ZNF175: variants seen among roughly 807,000 people sequenced by gnomAD.
ZNF175 encodes the protein zinc finger protein OTK18.
A neutral mutation model predicts 14.0 loss-of-function variants in ZNF175; 8 were observed. That is an observed-to-expected ratio of 0.57 (90% CI 0.34 to 1.03). ZNF175 has a LOEUF of 1.03. ZNF175 is among the 50% of genes least tolerant of loss of function. ZNF175 has a pLI of 0.03. For synonymous variants in ZNF175, 255 were observed against 296.8 expected (o/e 0.86, Z 1.45); for missense variants, 764 against 849.5 (o/e 0.90, Z 1.25).
In ZNF175 at chr19:51,587,010, G is replaced by A; in HGVS notation, c.679G>A (p.Val227Ile). ...TGACACAGAACAGCTTGATGACGTT[G>A]TTGGGTCTGGTCAGCTATTCAGCCA... ...SNDTEQLDDV[V>I]GSGQLFSHSS... The change falls in exon 5 of 5, where the codon GTT (valine) becomes ATT (isoleucine). Residue 227 changes from valine to isoleucine, a missense_variant. Transcript: ENST00000262259. 6.2e-7 allele frequency: 1 copy of A among 1,614,222 alleles called. No homozygotes were observed. Among genetic ancestry groups the A allele is most frequent in the Non-Finnish European group, 8.5e-7 (1 of 1,180,024 alleles).
In ZNF175 at chr19:51,571,317, C is replaced by T. The variant is rs750217125; in HGVS notation, c.-339C>T. The T allele has an allele frequency of 1.3e-5, 2 of 152,024 alleles. No individual in the cohort carries two copies. Among genetic ancestry groups the T allele is most frequent in the Non-Finnish European group, 2.9e-5 (2 of 68,032 alleles). The allele number at this position is 152,024 out of a possible 1,614,324, so 9.4% of individuals were successfully genotyped here. On this transcript the variant is annotated 5_prime_UTR_variant, in exon 1 of 5. Transcript: ENST00000262259. ...GCTTCTGTTGTTAAGTGGATCTAAG[C>T]CTATGTCGCTTACTGGACGCTGAAG...
At chr19:51,576,780 TCTTG>T (rs1981802818) in intron 2 of ZNF175, among the ~76,000 whole-genome samples, 1 of 24,878 alleles carries the variant, frequency 4.0e-5, no homozygotes, top group South Asian at 2.9e-3. Flanking sequence ...GTTCCTTGTG[TCTTG>T]AATCCTTTCT....
At chr19:51,585,752 C>CA (rs369920272) in intron 4 of ZNF175, among the ~76,000 whole-genome samples, 12 of 151,158 alleles carry the variant, frequency 7.9e-5, no homozygotes, top group East Asian at 1.9e-4. Flanking sequence ...TTATTCTTGG[C>CA]AAAAAAACAA....
At position 51,588,329 on chromosome 19, in the gene ZNF175, G is replaced by A. The variant is rs779795145; in HGVS notation, c.1998G>A (p.Thr666=). The A allele has an allele frequency of 3.1e-6, 5 of 1,613,982 alleles. No homozygotes were observed. The highest frequency in any genetic ancestry group is 2.2e-5 in the East Asian group (1 of 44,894). ...PQLKVHQRIH[T]GERPYVCSEC... ...TCAAGGTGCATCAGCGAATTCACAC[G>A]GGAGAAAGACCTTATGTGTGTTCTG... The change falls in exon 5 of 5, where the codon ACG becomes ACA. Residue 666 remains threonine, a synonymous_variant. Coordinates refer to ENST00000262259, the MANE Select transcript of ZNF175 (RefSeq NM_007147.4).
chr19:51,574,638 C>T (rs1217407771), intron 2 of ZNF175, among the ~76,000 whole-genome samples: 1 of 152,218 alleles, frequency 6.6e-6, no homozygotes, highest in Non-Finnish European at 1.5e-5. Context: ...CACTACACTC[C>T]AGCCTGGGCA....
intron 1 of ZNF175, among the ~76,000 whole-genome samples, chr19:51,572,233 A>G (rs758341259): frequency 6.6e-6 from 1 of 152,200 alleles, no homozygotes. Context: ...AGCCTGTGCC[A>G]TGTCAGTGAC....
At position 51,589,869 on chromosome 19, in the gene ZNF175, C is replaced by T. The variant is rs1230324659; in HGVS notation, c.*1402C>T. ...TCTTTACAGAAAATGTTTGCCAGCA[C>T]ATGATACACACACAAACACACACAC... is the stretch of plus-strand genomic sequence containing the variant. On this transcript the variant is annotated 3_prime_UTR_variant, in exon 5 of 5. Transcript: ENST00000262259. 9.9e-6 allele frequency: 5 copies of T among 504,804 alleles called. No individual in the cohort carries two copies. Among genetic ancestry groups the T allele is most frequent in the African/African-American group, 1.9e-5 (1 of 52,520 alleles). The allele number at this position is 504,804 out of a possible 1,614,324, so 31.3% of individuals were successfully genotyped here.
At position 51,588,901 on chromosome 19, in the gene ZNF175, A is replaced by G. The variant is rs1402459532; in HGVS notation, c.*434A>G. On this transcript the variant is annotated 3_prime_UTR_variant, in exon 5 of 5. Coordinates refer to ENST00000262259, the MANE Select transcript of ZNF175 (RefSeq NM_007147.4). ...CACAGTCATGATAGGACAATATTTT[A>G]TGTGTGTGTGTGCGCCTTATGTATA... 1.0e-5 allele frequency: 4 copies of G among 397,968 alleles called. No homozygotes were observed. Among genetic ancestry groups the G allele is most frequent in the Admixed American group, 8.5e-5 (2 of 23,462 alleles). The allele number at this position is 397,968 out of a possible 1,614,324, so 24.7% of individuals were successfully genotyped here.
chr19:51,578,314 C>T (rs1214281903), intron 2 of ZNF175, among the ~76,000 whole-genome samples: 1 of 151,974 alleles, frequency 6.6e-6, no homozygotes, highest in African/African-American at 2.4e-5. Flanking sequence ...GCAGGAGAAT[C>T]GCCTGAACCC....
At chr19:51,571,878 T>C (rs1357445384) in intron 1 of ZNF175, among the ~76,000 whole-genome samples, 1 of 152,110 alleles carries the variant, frequency 6.6e-6, no homozygotes, top group Non-Finnish European at 1.5e-5. Context: ...GGGCAACCTA[T>C]AGGAATCAGT....
intron 2 of ZNF175, 86 bp from the exon 3 acceptor site, chr19:51,581,305 C>A: frequency 6.3e-7 from 1 of 1,596,260 alleles, no homozygotes; most frequent in Non-Finnish European, 8.6e-7. Context: ...TGGTGAAAAT[C>A]ATTAAAAGCA....
chr19:51,586,353 C>G (rs1214965526), intron 4 of ZNF175, among the ~76,000 whole-genome samples: 1 of 152,240 alleles, frequency 6.6e-6, no homozygotes, highest in Non-Finnish European at 1.5e-5. Context: ...CTTTGTAAAA[C>G]AGGAACACCC....
intron 2 of ZNF175, among the ~76,000 whole-genome samples, chr19:51,574,372 G>C (rs117035230): frequency 6.6e-6 from 1 of 152,104 alleles, no homozygotes; most frequent in Non-Finnish European, 1.5e-5. Flanking sequence ...TTTAAAAGTC[G>C]TTCTTAAAAG....
At chr19:51,572,603 G>A (rs77638887) in intron 1 of ZNF175, among the ~76,000 whole-genome samples, 280 of 152,308 alleles carry the variant, frequency 1.8e-3, no homozygotes, top group Non-Finnish European at 1.5e-3. Flanking sequence ...AGCTGGCCAC[G>A]TATGGGTACA....
rs1600088324 is a variant in ZNF175 at position 51,589,209 on chromosome 19, T to G, written c.*742T>G. The G allele has an allele frequency of 8.1e-6, 2 of 246,316 alleles. No individual in the cohort carries two copies. Among genetic ancestry groups the G allele is most frequent in the East Asian group, 1.6e-4 (2 of 12,482 alleles). The allele number at this position is 246,316 out of a possible 1,614,324, so 15.3% of individuals were successfully genotyped here. On this transcript the variant is annotated 3_prime_UTR_variant, in exon 5 of 5. Transcript: ENST00000262259. ...GTACGTATATTTCTGTATCTATGTA[T>G]GTATATATATGCATATGCAGACATA...
rs978949347 is a variant in ZNF175 at position 51,590,346 on chromosome 19, G to T, written c.*1879G>T. ...TGCATTTGGTGTGAGAAGTGTGTGT[G>T]TGTTAAACCCTTGGAACTGCATGGA... On this transcript the variant is annotated 3_prime_UTR_variant, in exon 5 of 5. Transcript: ENST00000262259. The T allele has an allele frequency of 1.3e-5, 2 of 152,288 alleles. No homozygotes were observed. Among genetic ancestry groups the T allele is most frequent in the African/African-American group, 2.4e-5 (1 of 41,450 alleles). 9.4% of individuals were successfully genotyped at this position (152,288 alleles called of 1,614,324 possible). A position where few individuals can be genotyped will look rare whatever the true frequency, so the allele number is the denominator to read the frequency against.
rs1226274258 is a variant in ZNF175, at chr19:51,581,773, T to C, written c.200-14T>C. The C allele has an allele frequency of 6.2e-7, 1 of 1,612,984 alleles. No individual in the cohort carries two copies. Among genetic ancestry groups the C allele is most frequent in the South Asian group, 1.1e-5 (1 of 90,958 alleles). On this transcript the variant is annotated splice_polypyrimidine_tract_variant and intron_variant, in intron 3 of 4. Coordinates refer to ENST00000262259, the MANE Select transcript of ZNF175 (RefSeq NM_007147.4). ...GAAGCTACACCCAAATCCAGTATCC[T>C]TTCTAATTAACAGGGTATCACATTC... is the stretch of plus-strand genomic sequence containing the variant.
chr19:51,575,952 A>G (rs1981765387), intron 2 of ZNF175, among the ~76,000 whole-genome samples: 1 of 152,180 alleles, frequency 6.6e-6, no homozygotes, highest in Admixed American at 6.5e-5. Flanking sequence ...AGCTGCCTGT[A>G]TAGACACCCT....
At chr19:51,578,211 A>T (rs911511310) in intron 2 of ZNF175, among the ~76,000 whole-genome samples, 1 of 150,934 alleles carries the variant, frequency 6.6e-6, no homozygotes, top group Non-Finnish European at 1.5e-5. Flanking sequence ...AGCCTGGCCA[A>T]CATGGTGAAA....
Sources: allele counts gnomAD v4.1 joint callset (sites outside exome capture counted in the v4.1 genomes callset), GRCh38; gene constraint gnomAD v4.1.1; transcripts MANE v1.5; gene names NCBI Gene and HGNC (gene_info 2026-07-23, HGNC 2026-07-21).